Variants in SLC12A5 observed in about 807,000 individuals in gnomAD.
The protein encoded by SLC12A5 is solute carrier family 12 member 5, also known as K-Cl cotransporter 2.
SLC12A5 carries 18 observed loss-of-function variants against 124.0 expected under a neutral mutation model. That is an observed-to-expected ratio of 0.15 (90% confidence interval 0.10 to 0.22). The LOEUF (loss-of-function observed/expected upper bound fraction) is 0.22. Among genes scored for constraint, SLC12A5 ranks in the 10% least tolerant of loss-of-function variants. SLC12A5 has a pLI of 1.00. For missense variants in SLC12A5, 867 were observed against 1,478.7 expected, an observed-to-expected ratio of 0.59 and a Z score of 6.78; for synonymous variants, 589 against 568.0, an observed-to-expected ratio of 1.04 and a Z score of -0.53.
chr20:46,029,906 G>A (rs111609588), intron 1 of SLC12A5, among the ~76,000 whole-genome samples: 1 of 40,672 alleles, frequency 2.5e-5, no homozygotes, highest in Non-Finnish European at 7.8e-5. Flanking sequence ...GCGTGCGTAT[G>A]TGTGTGTGTG....
At chr20:46,043,566 C>G in intron 9 of SLC12A5, 67 bp from the exon 10 acceptor site, 2 of 1,541,312 alleles carry the variant, frequency 1.3e-6, no homozygotes, top group South Asian at 1.1e-5. Context: ...GGGTGGTGCC[C>G]TTTTTTCTCA....
chr20:46,035,827 C>T lies in SLC12A5; in HGVS notation c.330C>T (p.Asn110=), dbSNP rs1307488294. The T allele has an allele frequency of 1.9e-6, 3 of 1,614,128 alleles. No individual in the cohort carries two copies. Among genetic ancestry groups the T allele is most frequent in the African/African-American group, 1.3e-5 (1 of 75,054 alleles). Residue 110 remains asparagine, a synonymous_variant, in exon 4 of 26, where the codon AAC becomes AAT. Transcript: ENST00000243964. ...GCGTGTACCTGCCGTGCCTGCAGAA[C>T]ATCTTTGGCGTCATCCTCTTCCTGC... ...FMGVYLPCLQ[N]IFGVILFLRL...
chr20:46,030,858 T>G (rs538675194), intron 1 of SLC12A5, among the ~76,000 whole-genome samples: 14 of 147,550 alleles, frequency 9.5e-5, no homozygotes, highest in Non-Finnish European at 2.1e-4. Context: ...GGCTGAGTGG[T>G]ATACAGGTGC....
intron 4 of SLC12A5, chr20:46,036,260 A>G (rs770019246): frequency 1.8e-5 from 5 of 277,990 alleles, no homozygotes; most frequent in Non-Finnish European, 3.4e-5. Context: ...CAAAAATGAG[A>G]TTACATGTCA....
Position 46,047,554 on chromosome 20 carries a change from A to G in SLC12A5, c.1888A>G (p.Lys630Glu). Residue 630 changes from lysine to glutamate, a missense_variant, in exon 15 of 26, where the codon AAG (lysine) becomes GAG (glutamate). Physicochemically the swap from Lys to Glu is moderately conservative, Grantham distance 56. Coordinates refer to ENST00000243964, the MANE Select transcript of SLC12A5 (RefSeq NM_020708.5). ...CATGCTCATTGCTGGACTCATCTAC[A>G]AGTACATTGAGTACCGTGGGTGAGT... The part of the protein sequence containing the change: ...VAMLIAGLIY[K>E]YIEYRGAEKE... The G allele has an allele frequency of 6.2e-7, 1 of 1,613,784 alleles. No individual in the cohort carries two copies. The highest frequency in any genetic ancestry group is 8.5e-7 in the Non-Finnish European group (1 of 1,179,840).
intron 8 of SLC12A5, among the ~76,000 whole-genome samples, chr20:46,042,191 C>G (rs2084554074): frequency 6.6e-6 from 1 of 152,158 alleles, no homozygotes; most frequent in African/African-American, 2.4e-5. Context: ...TGAGCCAGAT[C>G]ATGGCAGGCC....
rs2145502217 is a variant in SLC12A5, at chr20:46,051,882, G to T, written c.2377+12G>T. 6.5e-7 allele frequency: 1 copy of T among 1,545,800 alleles called. No homozygotes were observed. Among genetic ancestry groups the T allele is most frequent in the South Asian group, 1.2e-5 (1 of 84,596 alleles). ...GAGGAACTTCATTGGTAACGCTATT[G>T]GGGGCTGGGGACAGAAGAGGGGTGG... On this transcript the variant is annotated intron_variant, in intron 18 of 25. Transcript: ENST00000243964.
At chr20:46,050,153 G>A (rs1473128337) in intron 17 of SLC12A5, among the ~76,000 whole-genome samples, 1 of 152,198 alleles carries the variant, frequency 6.6e-6, no homozygotes, top group African/African-American at 2.4e-5. Flanking sequence ...TCCCAGCTGT[G>A]GACTCTTGAT....
At position 46,048,008 on chromosome 20, in the gene SLC12A5, A is replaced by G; in HGVS notation, c.1935A>G (p.Ile645Met). The G allele has an allele frequency of 6.2e-7, 1 of 1,612,404 alleles. No homozygotes were observed. Among genetic ancestry groups the G allele is most frequent in the Non-Finnish European group, 8.5e-7 (1 of 1,179,348 alleles). Residue 645 changes from isoleucine (I) to methionine (M), a missense_variant, in exon 16 of 26, where the codon ATA becomes ATG. Physicochemically the swap from Ile to Met is conservative, Grantham distance 10 (BLOSUM62 1). Coordinates refer to ENST00000243964, the MANE Select transcript of SLC12A5 (RefSeq NM_020708.5). ...CAGAGAAGGAGTGGGGCGATGGGAT[A>G]CGAGGTCTGTCTCTCAGTGCGGCTC... is the stretch of plus-strand genomic sequence containing the variant. Reference protein sequence around the residue: ...RGAEKEWGDGIRGLSLSAARY... With the variant: ...RGAEKEWGDGMRGLSLSAARY...
upstream of SLC12A5, chr20:46,029,082 C>G (rs570559155): frequency 1.6e-5 from 21 of 1,288,440 alleles, no homozygotes; most frequent in Admixed American, 3.0e-4. Context: ...CTCCCGCTCT[C>G]CCCCCAAAAC....
rs549253661 is a variant in SLC12A5 at position 46,040,891 on chromosome 20, C to A, written c.854+277C>A. On this transcript the variant is annotated intron_variant, in intron 7 of 25. Transcript: ENST00000243964. ...AATTAAGTGGGAATGAGTTCCAAAG[C>A]AATGAATGCTGTCTGTGGTAGGGAA... The A allele has an allele frequency of 2.6e-5, 13 of 501,890 alleles. No individual in the cohort carries two copies. In the East Asian group the frequency reaches 3.4e-4, roughly 13 times the overall value. The allele number at this position is 501,890 out of a possible 1,614,324, so 31.1% of individuals were successfully genotyped here.
At chr20:46,024,907 G>C (rs1244153491), upstream of SLC12A5, among the ~76,000 whole-genome samples, 3 of 152,306 alleles carry the variant, frequency 2.0e-5, no homozygotes, top group East Asian at 5.8e-4. Flanking sequence ...CCATTTCTCA[G>C]GGGGGAGTCA....
intron 2 of SLC12A5, 168 bp from the exon 3 acceptor site, chr20:46,035,236 C>A: frequency 9.9e-7 from 1 of 1,014,444 alleles, no homozygotes; most frequent in Non-Finnish European, 1.5e-6. Context: ...CTCTCCTCAT[C>A]CTACCATTCT....
chr20:46,056,359 C>T lies in SLC12A5; in HGVS notation c.2911-6C>T, dbSNP rs764840858. ...CTCAACTGCCATCGCTTCATTCATC[C>T]CTCAGGTGCAGCTGATCCACGATCA... On this transcript the variant is annotated splice_region_variant and splice_polypyrimidine_tract_variant and intron_variant, in intron 22 of 25. Transcript: ENST00000243964. This position sits in a 1 kb window ranked among gnomAD's most constrained non-coding sequence, Gnocchi z 4.3. 6.2e-7 allele frequency: 1 copy of T among 1,608,892 alleles called. No individual in the cohort carries two copies. Among genetic ancestry groups the T allele is most frequent in the African/African-American group, 1.3e-5 (1 of 74,800 alleles).
At position 46,035,942 on chromosome 20, in the gene SLC12A5, C is replaced by T; in HGVS notation, c.426+19C>T. On this transcript the variant is annotated intron_variant, in intron 4 of 25. Coordinates refer to ENST00000243964, the MANE Select transcript of SLC12A5 (RefSeq NM_020708.5). ...CTCCTGTGTGAGTGACACCCCTCCCCTCACCACCCCCTGACAGCTGGGGCT... is the reference window on the plus strand; with the variant it reads ...CTCCTGTGTGAGTGACACCCCTCCCTTCACCACCCCCTGACAGCTGGGGCT... 1 of 1,596,560 alleles carries T rather than the reference C, an allele frequency of 6.3e-7. No homozygotes were observed. The highest frequency in any genetic ancestry group is 8.6e-7 in the Non-Finnish European group (1 of 1,167,092).
At chr20:46,040,996 A>G in intron 7 of SLC12A5, 1 of 394,408 alleles carries the variant, frequency 2.5e-6, no homozygotes. Context: ...GGGAAAAGAC[A>G]CAGAAGTCTA....
At position 46,036,770 on chromosome 20, in the gene SLC12A5, A is replaced by T. The variant is rs1215627663; in HGVS notation, c.456A>T (p.Ala152=). 6.2e-7 allele frequency: 1 copy of T among 1,613,856 alleles called. No homozygotes were observed. Among genetic ancestry groups the T allele is most frequent in the South Asian group, 1.1e-5 (1 of 91,060 alleles). The change falls in exon 5 of 26, where the codon GCA becomes GCT. Residue 152 remains alanine (A), a synonymous_variant. Transcript: ENST00000243964. Reference sequence around the variant, plus strand: ...TGCTCACGGCCATCTCCATGAGTGCAATTGCAACGAATGGTGTTGTGCCTG... The same window carrying T: ...TGCTCACGGCCATCTCCATGAGTGCTATTGCAACGAATGGTGTTGTGCCTG... ...CTMLTAISMS[A]IATNGVVPAG... is the part of the protein sequence containing the mutation.
At position 46,045,354 on chromosome 20, in the gene SLC12A5, C is replaced by A. The variant is rs745920169; in HGVS notation, c.1569+214C>A. On this transcript the variant is annotated intron_variant, in intron 12 of 25. Transcript: ENST00000243964. The surrounding 1 kb of genome is among the most constrained non-coding windows in gnomAD (Gnocchi z 4.9). ...GAGTTGGGCAGGGCATTGGGTGGTGCCCTGTCTGTGGCTTCTCCTTCACCC... is the reference window on the plus strand; with the variant it reads ...GAGTTGGGCAGGGCATTGGGTGGTGACCTGTCTGTGGCTTCTCCTTCACCC... 1.5e-4 allele frequency among the ~76,000 whole-genome samples: 23 copies of A among 152,078 alleles called. No individual in the cohort carries two copies. The highest frequency in any genetic ancestry group is 3.2e-4 in the Non-Finnish European group (22 of 68,004).
At chr20:46,023,756 C>T (rs2084374958), downstream of SLC12A5, among the ~76,000 whole-genome samples, 1 of 152,230 alleles carries the variant, frequency 6.6e-6, no homozygotes, top group Non-Finnish European at 1.5e-5. Flanking sequence ...GTGCACATGT[C>T]CCGGTGGATG....
Sources: allele counts gnomAD v4.1 joint callset (sites outside exome capture counted in the v4.1 genomes callset), GRCh38; gene constraint gnomAD v4.1.1; non-coding constraint Gnocchi (gnomAD v3.1); transcripts MANE v1.5; gene names NCBI Gene and HGNC (gene_info 2026-07-23, HGNC 2026-07-21).